The following STIL variants were observed in gnomAD, a reference collection of about 807,000 sequenced individuals.
STIL encodes SCL-interrupting locus protein.
Under a neutral mutation model 110.1 loss-of-function variants are expected in STIL, and 55 were observed. The observed-to-expected ratio is 0.50, with a 90% CI of 0.40 to 0.63. The LOEUF (loss-of-function observed/expected upper bound fraction) is 0.63, where lower values mean the gene tolerates loss of function less well. STIL is among the 20% of genes least tolerant of loss of function. The pLI is 0.00. For missense variants in STIL, 1,358 were observed against 1,530.0 expected, an observed-to-expected ratio of 0.89 and a Z score of 1.87; for synonymous variants, 481 against 530.0, an observed-to-expected ratio of 0.91 and a Z score of 1.27.
chr1:47,282,573 T>C, intron 10 of STIL, 114 bp from the exon 11 acceptor site: 1 of 688,190 alleles, frequency 1.5e-6, no homozygotes. Flanking sequence ...TCATTTAATT[T>C]AGTATCTGAC....
At chr1:47,282,191 T>C (rs1181810371) in intron 11 of STIL, among the ~76,000 whole-genome samples, 154 bp downstream of exon 11, 1 of 152,106 alleles carries the variant, frequency 6.6e-6, no homozygotes, top group Admixed American at 6.6e-5. Flanking sequence ...GAAATACTTA[T>C]ATCTCTATAT....
chr1:47,264,137 G>A (rs1644567723), intron 14 of STIL, among the ~76,000 whole-genome samples: 1 of 152,162 alleles, frequency 6.6e-6, no homozygotes, highest in Admixed American at 6.6e-5. Flanking sequence ...AATCATTAAA[G>A]ATTACAAGGG....
intron 11 of STIL, among the ~76,000 whole-genome samples, chr1:47,281,978 G>T (rs1312462465): frequency 6.6e-6 from 1 of 152,004 alleles, no homozygotes; most frequent in African/African-American, 2.4e-5. Flanking sequence ...AGTCTATATG[G>T]TTATTAAAAG....
rs1553170532 is a variant in STIL, at chr1:47,265,260, A to AAAAAAAAAAAAAAAAAAAAAAC, written c.2616-2145_2616-2144insGTTTTTTTTTTTTTTTTTTTTT. Among the ~76,000 whole-genome samples the AAAAAAAAAAAAAAAAAAAAAAC allele has an allele frequency of 1.9e-4, 28 of 148,408 alleles. 1 individual carries two copies. Among genetic ancestry groups the AAAAAAAAAAAAAAAAAAAAAAC allele is most frequent in the Non-Finnish European group, 3.6e-4 (24 of 67,020 alleles). On this transcript the variant is annotated intron_variant, in intron 14 of 16. Transcript: ENST00000371877. ...CCCAAAAAAAAAAAAAAAAAAAAAA[A>AAAAAAAAAAAAAAAAAAAAAAC]CACAAGATTGGATATTTTTTAAAAT...
At chr1:47,302,463 T>C (rs904043373) in intron 3 of STIL, 117 bp from the exon 4 acceptor site, 1 of 855,330 alleles carries the variant, frequency 1.2e-6, no homozygotes, top group South Asian at 1.5e-5. Context: ...AGAAAGATCA[T>C]TGTCAGGAAA....
At chr1:47,275,375 G>A (rs1644961609) in intron 12 of STIL, among the ~76,000 whole-genome samples, 1 of 151,818 alleles carries the variant, frequency 6.6e-6, no homozygotes, top group South Asian at 2.1e-4. Context: ...TTGGGAGGCT[G>A]AGGCGGGCGG....
At chr1:47,312,218 C>A (rs762289026) in intron 1 of STIL, among the ~76,000 whole-genome samples, 2 of 151,240 alleles carry the variant, frequency 1.3e-5, no homozygotes, top group Non-Finnish European at 2.9e-5. Flanking sequence ...AGGCCGGACA[C>A]GGTAGCTCAC....
intron 2 of STIL, among the ~76,000 whole-genome samples, chr1:47,306,307 C>T (rs1386420773): frequency 6.7e-6 from 1 of 150,302 alleles, no homozygotes; most frequent in African/African-American, 2.5e-5. Flanking sequence ...TGCTCTGTTG[C>T]CCAAGCTGGA....
At chr1:47,301,232 C>A (rs1645795370) in intron 5 of STIL, among the ~76,000 whole-genome samples, 1 of 152,080 alleles carries the variant, frequency 6.6e-6, no homozygotes, top group Non-Finnish European at 1.5e-5. Flanking sequence ...CAGGAGCCAC[C>A]ATGCCCAGCC....
chr1:47,309,999 T>G (rs1338822021), intron 2 of STIL, among the ~76,000 whole-genome samples: 1 of 152,214 alleles, frequency 6.6e-6, no homozygotes, highest in Non-Finnish European at 1.5e-5. Flanking sequence ...ATTTACTGAG[T>G]GCCTATTACA....
intron 1 of STIL, 41 bp from the exon 2 acceptor site, chr1:47,310,403 C>A: frequency 7.7e-7 from 1 of 1,292,294 alleles, no homozygotes; most frequent in Non-Finnish European, 1.1e-6. Context: ...ATGATAAAAA[C>A]AAAGAAGAAA....
chr1:47,289,537 T>C lies in STIL; in HGVS notation c.921A>G (p.Thr307=), dbSNP rs369783384. ...GNFIIVLYSM[T]HKEPEFYECF... ...ATTCATAAAACTCAGGTTCCTTATG[T>C]GTCATAGAATAGAGAACTATGATGA... The change falls in exon 9 of 17, where the codon ACA becomes ACG. Residue 307 remains threonine, a synonymous_variant. Coordinates refer to ENST00000371877, the MANE Select transcript of STIL (RefSeq NM_001048166.1). 4.3e-6 allele frequency: 7 copies of C among 1,613,734 alleles called. No homozygotes were observed. In the African/African-American group the frequency reaches 6.7e-5, roughly 15 times the overall value.
chr1:47,287,465 G>C (rs1235620696), intron 10 of STIL, 86 bp downstream of exon 10: 1 of 847,600 alleles, frequency 1.2e-6, no homozygotes, highest in Non-Finnish European at 1.8e-6. Context: ...CATTTCATCA[G>C]AAATAATTTA....
chr1:47,253,203 G>A (rs1046146456), intron 16 of STIL, among the ~76,000 whole-genome samples: 12 of 152,168 alleles, frequency 7.9e-5, no homozygotes, highest in African/African-American at 2.7e-4. Flanking sequence ...AGTAACCTTT[G>A]TCAGGGAGGT....
chr1:47,295,535 T>A (rs542115849), intron 7 of STIL, among the ~76,000 whole-genome samples: 2 of 151,942 alleles, frequency 1.3e-5, no homozygotes, highest in African/African-American at 4.8e-5. Flanking sequence ...AGCCGAGATC[T>A]CTCCACTGCA....
chr1:47,301,688 C>T lies in STIL; in HGVS notation c.326G>A (p.Cys109Tyr), dbSNP rs546840334. Residue 109 changes from cysteine (C) to tyrosine (Y), a missense_variant, in exon 5 of 17, where the codon TGC (cysteine) becomes TAC (tyrosine). Transcript: ENST00000371877. Reference sequence around the variant, plus strand: ...AGAAGCAGTAGGGGTTATTTCTAGGCATTCAGGTACTTCTCGACCAGGATC... The same window carrying T: ...AGAAGCAGTAGGGGTTATTTCTAGGTATTCAGGTACTTCTCGACCAGGATC... ...RFDPGREVPE[C>Y]LEITPTASLP... is the part of the protein sequence containing the mutation. The T allele has an allele frequency of 1.9e-6, 3 of 1,614,030 alleles. No individual in the cohort carries two copies. Among genetic ancestry groups the T allele is most frequent in the East Asian group, 2.2e-5 (1 of 44,862 alleles).
intron 8 of STIL, among the ~76,000 whole-genome samples, chr1:47,292,067 A>G (rs1332754825): frequency 6.8e-6 from 1 of 148,086 alleles, no homozygotes; most frequent in Non-Finnish European, 1.5e-5. Flanking sequence ...TTGCTATGGT[A>G]CCCAGGCTGG....
intron 6 of STIL, among the ~76,000 whole-genome samples, chr1:47,296,184 T>C (rs1334527127): frequency 6.6e-6 from 1 of 152,180 alleles, no homozygotes; most frequent in Non-Finnish European, 1.5e-5. Flanking sequence ...CAGAACCAAA[T>C]AGGTTTCCTT....
rs1182102171 is a variant in STIL, at chr1:47,295,900, T to C, written c.702-52A>G. ...TAACTGAAATTATGTACTTTTTACCTAAAAGACATAATCTAAATGCTGAAG... is the reference window on the plus strand; with the variant it reads ...TAACTGAAATTATGTACTTTTTACCCAAAAGACATAATCTAAATGCTGAAG... On this transcript the variant is annotated intron_variant, in intron 6 of 16. Transcript: ENST00000371877. 2.3e-6 allele frequency: 3 copies of C among 1,287,612 alleles called. No homozygotes were observed. The East Asian group carries it at 7.0e-5, about 30-fold the overall frequency. The allele number at this position is 1,287,612 out of a possible 1,614,324, so 79.8% of individuals were successfully genotyped here.
Sources: gnomAD v4.1 joint callset for allele counts (sites outside exome capture counted in the v4.1 genomes callset) on GRCh38, gnomAD v4.1.1 for gene constraint, MANE v1.5 for transcripts, NCBI Gene and HGNC (gene_info 2026-07-23, HGNC 2026-07-21) for gene names.